Variants in HDGF observed in about 807,000 individuals in gnomAD.
HDGF encodes hepatoma-derived growth factor.
A neutral mutation model predicts 30.0 loss-of-function variants in HDGF; 5 were observed. That is an observed-to-expected ratio of 0.17 (90% CI 0.09 to 0.35). The LOEUF (loss-of-function observed/expected upper bound fraction) is 0.35, where lower values mean the gene tolerates loss of function less well. Among genes scored for constraint, HDGF ranks in the 10% least tolerant of loss-of-function variants. The pLI, the probability that HDGF is intolerant of heterozygous loss-of-function variation, is 1.00. For missense variants in HDGF, 214 were observed against 302.8 expected (o/e 0.71, Z 2.18); for synonymous variants, 133 against 112.7 (o/e 1.18, Z -1.14).
chr1:156,751,821 G>A, upstream of HDGF: 2 of 1,039,768 alleles, frequency 1.9e-6, no homozygotes, highest in East Asian at 3.4e-5. The surrounding 1 kb of genome is among the most constrained non-coding windows in gnomAD (Gnocchi z 4.7). Flanking sequence ...GGTTTGATGC[G>A]TGCAGCTTCT....
At position 156,743,422 on chromosome 1, in the gene HDGF, TG is replaced by T; in HGVS notation, c.*26del. The T allele has an allele frequency of 6.6e-6, 10 of 1,513,314 alleles. No individual in the cohort carries two copies. The highest frequency in any genetic ancestry group is 1.4e-5 in the African/African-American group (1 of 70,844). The allele number at this position is 1,513,314 out of a possible 1,614,324, so 93.7% of individuals were successfully genotyped here. On this transcript the variant is annotated 3_prime_UTR_variant, in exon 6 of 6. Transcript: ENST00000357325. ...CACCCAGACAGCAGCAGGAACAGGG[TG>T]GGGGCTCCTCTTGAAACATTGGTGG...
chr1:156,751,169 C>G lies in HDGF; in HGVS notation c.87+174G>C, dbSNP rs901318979. 3.3e-5 allele frequency among the ~76,000 whole-genome samples: 5 copies of G among 151,900 alleles called. No individual in the cohort carries two copies. The highest frequency in any genetic ancestry group is 1.2e-4 in the African/African-American group (5 of 41,352). On this transcript the variant is annotated intron_variant, in intron 1 of 5. Coordinates refer to ENST00000357325, the MANE Select transcript of HDGF (RefSeq NM_004494.3). The surrounding 1 kb of genome is among the most constrained non-coding windows in gnomAD (Gnocchi z 4.7). ...AGGTGTCTACCCCCACCCCCGCCCGCCTCCACCATTATATAACCGGCGGGT... is the reference window on the plus strand; with the variant it reads ...AGGTGTCTACCCCCACCCCCGCCCGGCTCCACCATTATATAACCGGCGGGT...
chr1:156,753,017 T>C (rs868069179), upstream of HDGF, among the ~76,000 whole-genome samples: 13 of 152,218 alleles, frequency 8.5e-5, no homozygotes, highest in African/African-American at 3.1e-4. Context: ...TCCTGAACTC[T>C]AAGCCTCAGT....
chr1:156,746,708 G>A (rs1650572546), intron 1 of HDGF, among the ~76,000 whole-genome samples: 1 of 152,080 alleles, frequency 6.6e-6, no homozygotes, highest in East Asian at 1.9e-4. Flanking sequence ...GGGGTGGGTC[G>A]TGGGGGAAGG....
chr1:156,756,593 T>C (rs1489314582), upstream of HDGF, among the ~76,000 whole-genome samples: 1 of 152,144 alleles, frequency 6.6e-6, no homozygotes, highest in Non-Finnish European at 1.5e-5. Flanking sequence ...GGAATGTTGA[T>C]AAACCAGTTA....
upstream of HDGF, among the ~76,000 whole-genome samples, chr1:156,756,276 A>C (rs1442777014): frequency 6.6e-6 from 1 of 152,112 alleles, no homozygotes; most frequent in Non-Finnish European, 1.5e-5. Flanking sequence ...TAAATAAATA[A>C]AGTTCTTTGC....
chr1:156,765,472 C>CTTTTTTTTTTTTTTTTTTTTTTTTTTT (rs71080793), intron 1 of HDGF, among the ~76,000 whole-genome samples: 1 of 85,982 alleles, frequency 1.2e-5, no homozygotes, highest in Non-Finnish European at 2.1e-5. Flanking sequence ...TTCTTTCTTT[C>CTTTTTTTTTTTTTTTTTTTTTTTTTTT]TTTTTTTTTT....
At chr1:156,758,603 A>T (rs1372403864) in intron 2 of HDGF, among the ~76,000 whole-genome samples, 4 of 23,942 alleles carry the variant, frequency 1.7e-4, no homozygotes, top group African/African-American at 3.3e-4. Flanking sequence ...AAAAAAAAAA[A>T]TAAATAAATA....
At chr1:156,764,900 A>G (rs116586501) in intron 1 of HDGF, among the ~76,000 whole-genome samples, 1,686 of 151,654 alleles carry the variant, frequency 0.011, 38 homozygotes, top group African/African-American at 0.039. Flanking sequence ...AAAAAAAAAA[A>G]AGAAGAAGAA....
At chr1:156,744,835 C>A (rs953803490) in intron 3 of HDGF, among the ~76,000 whole-genome samples, 173 bp downstream of exon 3, 17 of 152,160 alleles carry the variant, frequency 1.1e-4, no homozygotes, top group African/African-American at 3.6e-4. Context: ...CTACACCACA[C>A]AGCCCAACCC....
upstream of HDGF, chr1:156,751,830 C>T: frequency 1.4e-5 from 12 of 866,910 alleles, no homozygotes; most frequent in Non-Finnish European, 1.8e-5. The surrounding 1 kb of genome is among the most constrained non-coding windows in gnomAD (Gnocchi z 4.7). Flanking sequence ...CGTGCAGCTT[C>T]TTGACGCCCA....
chr1:156,746,135 G>A (rs1186475261), intron 1 of HDGF, among the ~76,000 whole-genome samples: 4 of 152,094 alleles, frequency 2.6e-5, no homozygotes, highest in Admixed American at 6.6e-5. Context: ...TGGCCTGGCC[G>A]ACTCCCTAGG....
chr1:156,752,400 A>ACT, upstream of HDGF: 2 of 1,535,724 alleles, frequency 1.3e-6, no homozygotes, highest in Non-Finnish European at 1.8e-6. Flanking sequence ...CTTGCCAAGG[A>ACT]GACTTGGACT....
intron 2 of HDGF, among the ~76,000 whole-genome samples, chr1:156,757,736 C>T (rs555647047): frequency 2.1e-5 from 3 of 145,652 alleles, no homozygotes; most frequent in East Asian, 4.1e-4. Context: ...GAGGTTGCAA[C>T]GAGCCAAGAT....
At chr1:156,758,613 A>AAAAATAAATC (rs1651194350) in intron 2 of HDGF, among the ~76,000 whole-genome samples, 2 of 129,542 alleles carry the variant, frequency 1.5e-5, no homozygotes, top group African/African-American at 3.1e-5. Context: ...ATAAATAAAT[A>AAAAATAAATC]AATAAATAAA....
At chr1:156,749,188 C>T (rs1650800931) in intron 1 of HDGF, among the ~76,000 whole-genome samples, 1 of 152,164 alleles carries the variant, frequency 6.6e-6, no homozygotes, top group South Asian at 2.1e-4. Flanking sequence ...CCAGAATCAC[C>T]CACCCTCCCC....
At chr1:156,752,325 A>G (rs1457870515), upstream of HDGF, 2 of 1,551,658 alleles carry the variant, frequency 1.3e-6, no homozygotes, top group Non-Finnish European at 1.7e-6. Flanking sequence ...GGAGATGGCC[A>G]AGGAGTTGAG....
At chr1:156,763,870 G>A (rs557215052) in intron 1 of HDGF, among the ~76,000 whole-genome samples, 55 of 152,076 alleles carry the variant, frequency 3.6e-4, no homozygotes, top group Middle Eastern at 3.4e-3. Context: ...TTACAGGCAT[G>A]AGCTACCGCG....
chr1:156,747,024 G>A (rs938484852), intron 1 of HDGF, among the ~76,000 whole-genome samples: 1 of 151,838 alleles, frequency 6.6e-6, no homozygotes, highest in Non-Finnish European at 1.5e-5. Context: ...GCACCTCCCC[G>A]CTTGCCCCGT....
Sources: allele counts gnomAD v4.1 joint callset (sites outside exome capture counted in the v4.1 genomes callset), GRCh38; gene constraint gnomAD v4.1.1; non-coding constraint Gnocchi (gnomAD v3.1); transcripts MANE v1.5; gene names NCBI Gene and HGNC (gene_info 2026-07-23, HGNC 2026-07-21).